Variants in BMPR2 observed in about 807,000 individuals in gnomAD.
BMPR2 encodes bone morphogenetic protein receptor type 2.
Under a neutral mutation model 100.8 loss-of-function variants are expected in BMPR2, and 29 were observed. That is an observed-to-expected ratio of 0.29 (90% CI 0.21 to 0.39). The LOEUF (loss-of-function observed/expected upper bound fraction) is 0.39, where lower values mean the gene tolerates loss of function less well. Among genes scored for constraint, BMPR2 ranks in the 10% least tolerant of loss-of-function variants. The pLI is 1.00. For missense variants in BMPR2, 1,011 were observed against 1,274.5 expected (o/e 0.79, Z 3.15); for synonymous variants, 382 against 442.3 (o/e 0.86, Z 1.71).
intron 1 of BMPR2, among the ~76,000 whole-genome samples, chr2:202,458,680 G>C (rs1055800575): frequency 1.3e-5 from 2 of 152,006 alleles, no homozygotes; most frequent in African/African-American, 4.8e-5. Flanking sequence ...TCAAAAAGAT[G>C]GCTTTCTTTT....
At chr2:202,421,021 G>A (rs1193879403) in intron 1 of BMPR2, among the ~76,000 whole-genome samples, 5 of 151,464 alleles carry the variant, frequency 3.3e-5, no homozygotes, top group African/African-American at 9.7e-5. Flanking sequence ...AGGCCGAGGC[G>A]GGTGGATCAC....
chr2:202,460,237 C>T (rs921302740), intron 1 of BMPR2, among the ~76,000 whole-genome samples: 2 of 152,010 alleles, frequency 1.3e-5, no homozygotes, highest in South Asian at 2.1e-4. Context: ...ATAACAAAGA[C>T]GTAGAATCAA....
intron 3 of BMPR2, among the ~76,000 whole-genome samples, chr2:202,478,276 G>A (rs1256948606): frequency 6.6e-6 from 1 of 152,184 alleles, no homozygotes; most frequent in African/African-American, 2.4e-5. Flanking sequence ...AGAAATACGT[G>A]TGTGAGGTAA....
chr2:202,453,143 T>C (rs1051039633), intron 1 of BMPR2, among the ~76,000 whole-genome samples: 1 of 152,146 alleles, frequency 6.6e-6, no homozygotes, highest in Non-Finnish European at 1.5e-5. Flanking sequence ...CTAAAATGTT[T>C]CAAGCAAGGA....
chr2:202,525,958 C>T (rs374583270), intron 7 of BMPR2, among the ~76,000 whole-genome samples: 1 of 150,424 alleles, frequency 6.6e-6, no homozygotes, highest in African/African-American at 2.4e-5. Flanking sequence ...CTCCGCCTCC[C>T]GGGTTCAAGC....
intron 3 of BMPR2, among the ~76,000 whole-genome samples, chr2:202,470,100 T>C (rs1692404658): frequency 6.6e-6 from 1 of 152,086 alleles, no homozygotes; most frequent in South Asian, 2.1e-4. Flanking sequence ...TCCCAGCACT[T>C]TGGGAGACTG....
chr2:202,430,653 A>G (rs1008116319), intron 1 of BMPR2, among the ~76,000 whole-genome samples: 1 of 152,128 alleles, frequency 6.6e-6, no homozygotes, highest in Non-Finnish European at 1.5e-5. Flanking sequence ...CTTTCATTCA[A>G]AGCATTTTAT....
chr2:202,554,865 A>T (rs1688535681), intron 11 of BMPR2, among the ~76,000 whole-genome samples: 1 of 152,238 alleles, frequency 6.6e-6, no homozygotes, highest in Non-Finnish European at 1.5e-5. Context: ...TTATGGAAAT[A>T]CAGAAAACAT....
At chr2:202,510,851 T>G (rs1195087138) in intron 3 of BMPR2, among the ~76,000 whole-genome samples, 2 of 152,080 alleles carry the variant, frequency 1.3e-5, no homozygotes, top group Admixed American at 6.6e-5. Context: ...CAGCTAATTT[T>G]TGTCTTTTTA....
chr2:202,383,462 C>T (rs1690343387), intron 1 of BMPR2, among the ~76,000 whole-genome samples: 1 of 152,068 alleles, frequency 6.6e-6, no homozygotes, highest in South Asian at 2.1e-4. Flanking sequence ...GGGCTGATCA[C>T]CTGAAGTCAG....
intron 3 of BMPR2, among the ~76,000 whole-genome samples, chr2:202,510,138 G>T (rs896752623): frequency 5.9e-5 from 9 of 152,072 alleles, no homozygotes; most frequent in Admixed American, 3.9e-4. Context: ...CCAGTTTTTG[G>T]CTGGGCGCGG....
rs1310148567 is a variant in BMPR2 at position 202,484,628 on chromosome 2, G to C, written c.418+16939G>C. 1.1e-4 allele frequency among the ~76,000 whole-genome samples: 17 copies of C among 149,666 alleles called. No individual in the cohort carries two copies. In the East Asian group the frequency reaches 3.4e-3, roughly 30 times the overall value. On this transcript the variant is annotated intron_variant, in intron 3 of 12. Coordinates refer to ENST00000374580, the MANE Select transcript of BMPR2 (RefSeq NM_001204.7). ...GCGGAGGTTGCAGTGAGCCGAGATC[G>C]CGCCACTGCACTCCAGCCTGGGCGA... is the stretch of plus-strand genomic sequence containing the variant.
At chr2:202,379,101 G>A (rs992465115) in intron 1 of BMPR2, among the ~76,000 whole-genome samples, 1 of 152,152 alleles carries the variant, frequency 6.6e-6, no homozygotes, top group African/African-American at 2.4e-5. Flanking sequence ...AAGAATCACT[G>A]CTTAAAAGTG....
intron 1 of BMPR2, among the ~76,000 whole-genome samples, chr2:202,454,336 G>A (rs1428710870): frequency 3.9e-5 from 6 of 152,184 alleles, no homozygotes; most frequent in Admixed American, 3.9e-4. Context: ...CTCCCAAAGT[G>A]CTGAGATTAC....
At chr2:202,385,030 G>T (rs1009034096) in intron 1 of BMPR2, among the ~76,000 whole-genome samples, 1 of 152,156 alleles carries the variant, frequency 6.6e-6, no homozygotes, top group Admixed American at 6.5e-5. Context: ...TGCAAAATAG[G>T]AAAATTTAGA....
rs1692121202 is a variant in BMPR2 at position 202,456,959 on chromosome 2, A to T, written c.77-7850A>T. Among the ~76,000 whole-genome samples, 3 of 152,258 alleles carry T rather than the reference A, an allele frequency of 2.0e-5. 1 individual carries two copies. The South Asian group carries it at 6.2e-4, about 32-fold the overall frequency. On this transcript the variant is annotated intron_variant, in intron 1 of 12. Transcript: ENST00000374580. ...ACACACAATAGTGTGAACTCTCCTAATAACTGTATATAAATGTGTAAGTTG... is the reference window on the plus strand; with the variant it reads ...ACACACAATAGTGTGAACTCTCCTATTAACTGTATATAAATGTGTAAGTTG...
intron 1 of BMPR2, among the ~76,000 whole-genome samples, chr2:202,462,405 G>T (rs1692240417): frequency 6.6e-6 from 1 of 151,956 alleles, no homozygotes; most frequent in Non-Finnish European, 1.5e-5. Flanking sequence ...ATTTCTAGTG[G>T]AGACGGGGTT....
At chr2:202,555,173 A>G (rs1022007380) in intron 11 of BMPR2, 79 bp from the exon 12 acceptor site, 28 of 1,307,732 alleles carry the variant, frequency 2.1e-5, no homozygotes, top group Admixed American at 3.7e-5. Flanking sequence ...CAGACTTTAA[A>G]ATCAGAGGTG....
At chr2:202,485,995 G>T (rs569215074) in intron 3 of BMPR2, among the ~76,000 whole-genome samples, 1 of 152,054 alleles carries the variant, frequency 6.6e-6, no homozygotes, top group East Asian at 2.0e-4. Flanking sequence ...TGGCCTTTAG[G>T]ATAAAACATC....
Sources: allele counts gnomAD v4.1 joint callset (sites outside exome capture counted in the v4.1 genomes callset), GRCh38; gene constraint gnomAD v4.1.1; transcripts MANE v1.5; gene names NCBI Gene and HGNC (gene_info 2026-07-23, HGNC 2026-07-21).